The following ATP13A3 variants were observed in gnomAD, a reference collection of about 807,000 sequenced individuals.
ATP13A3 encodes the protein polyamine-transporting ATPase 13A3.
ATP13A3 carries 59 observed loss-of-function variants against 158.1 expected under a neutral mutation model. The observed-to-expected ratio is 0.37, with a 90% CI of 0.30 to 0.46. The LOEUF (loss-of-function observed/expected upper bound fraction) is 0.46. Ranked by LOEUF, ATP13A3 falls within the 20% of genes least tolerant of loss-of-function variation. The pLI is 1.00. For synonymous variants in ATP13A3, 491 were observed against 504.3 expected (o/e 0.97, Z 0.35); for missense variants, 1,166 against 1,525.2 (o/e 0.76, Z 3.92).
intron 31 of ATP13A3, among the ~76,000 whole-genome samples, chr3:194,417,226 G>A (rs181046808): frequency 4.6e-5 from 7 of 152,030 alleles, no homozygotes; most frequent in African/African-American, 1.7e-4. Flanking sequence ...TTCAAGACAA[G>A]CCTGGCCAAC....
chr3:194,419,798 C>A, intron 31 of ATP13A3, 81 bp downstream of exon 31: 1 of 1,505,384 alleles, frequency 6.6e-7, no homozygotes, highest in Non-Finnish European at 8.8e-7. Flanking sequence ...TTAGAATACA[C>A]AAAAAGAAGA....
chr3:194,426,930 T>C (rs1716821857), intron 29 of ATP13A3, 145 bp downstream of exon 29: 1 of 761,834 alleles, frequency 1.3e-6, no homozygotes, highest in Non-Finnish European at 2.0e-6. Context: ...GTGATCTACC[T>C]GCCTCGGCCT....
At chr3:194,427,343 A>G (rs1716861229) in intron 28 of ATP13A3, 91 bp from the exon 29 acceptor site, 3 of 1,244,612 alleles carry the variant, frequency 2.4e-6, no homozygotes, top group Non-Finnish European at 3.2e-6. Context: ...AACTTTAAAA[A>G]TTTGTTTTTG....
rs766195558 is a variant in ATP13A3 at position 194,475,590 on chromosome 3, T to C, written c.-47+10204A>G. 3.3e-5 allele frequency among the ~76,000 whole-genome samples: 5 copies of C among 152,274 alleles called. No individual in the cohort carries two copies. In the East Asian group the frequency reaches 7.7e-4, roughly 23 times the overall value. On this transcript the variant is annotated intron_variant, in intron 2 of 33. Coordinates refer to ENST00000645319, the MANE Select transcript of ATP13A3 (RefSeq NM_001367549.1). Reference sequence around the variant, plus strand: ...TTACATTCAACAAATACTTCAAAAATACAGTAATATAAGTTGCTATTGAAG... The same window carrying C: ...TTACATTCAACAAATACTTCAAAAACACAGTAATATAAGTTGCTATTGAAG...
upstream of ATP13A3, among the ~76,000 whole-genome samples, chr3:194,489,740 A>G (rs76181228): frequency 0.016 from 2,432 of 152,310 alleles, 33 homozygotes; most frequent in East Asian, 0.047. The surrounding 1 kb of genome is among the most constrained non-coding windows in gnomAD (Gnocchi z 4.1). Flanking sequence ...GGATATTCCA[A>G]AAACTTTTCT....
Position 194,402,854 on chromosome 3 carries a change from T to C in ATP13A3, c.*3065A>G, listed in dbSNP as rs1360451835. ...TGCAGTATCATTTCTGATATAAAGTTACTTAAAAAAATCCAAGGTCTTAGG... is the reference window on the plus strand; with the variant it reads ...TGCAGTATCATTTCTGATATAAAGTCACTTAAAAAAATCCAAGGTCTTAGG... On this transcript the variant is annotated 3_prime_UTR_variant, in exon 34 of 34. Coordinates refer to ENST00000645319, the MANE Select transcript of ATP13A3 (RefSeq NM_001367549.1). 6.6e-6 allele frequency: 1 copy of C among 152,198 alleles called. No homozygotes were observed. The highest frequency in any genetic ancestry group is 2.4e-5 in the African/African-American group (1 of 41,454). 9.4% of individuals were successfully genotyped at this position (152,198 alleles called of 1,614,324 possible). A position where few individuals can be genotyped will look rare whatever the true frequency, so the allele number is the denominator to read the frequency against.
chr3:194,477,280 A>C (rs1361605822), intron 2 of ATP13A3, among the ~76,000 whole-genome samples: 1 of 152,092 alleles, frequency 6.6e-6, no homozygotes, highest in Non-Finnish European at 1.5e-5. Context: ...GCACTTTTCC[A>C]ACAACGTTGA....
At chr3:194,465,805 AACACACACACAC>A in intron 2 of ATP13A3, among the ~76,000 whole-genome samples, 1 of 148,738 alleles carries the variant, frequency 6.7e-6, no homozygotes, top group Admixed American at 6.7e-5. Context: ...CTCTACTAAA[AACACACACACAC>A]ACACACACAC....
chr3:194,473,106 T>C (rs757083525), intron 2 of ATP13A3, among the ~76,000 whole-genome samples: 12 of 152,166 alleles, frequency 7.9e-5, no homozygotes, highest in African/African-American at 2.4e-4. Flanking sequence ...ATATGATCCA[T>C]GTAACAAACC....
rs764321474 is a variant in ATP13A3, at chr3:194,447,981, A to T, written c.1179T>A (p.Val393=). 6.2e-7 allele frequency: 1 copy of T among 1,609,726 alleles called. No individual in the cohort carries two copies. Among genetic ancestry groups the T allele is most frequent in the Non-Finnish European group, 8.5e-7 (1 of 1,176,078 alleles). The change falls in exon 13 of 34, where the codon GTT becomes GTA. Residue 393 remains valine, a synonymous_variant. Transcript: ENST00000645319. ...TTGGTTTGGGATACAATATGGAACG[A>T]ACAAGCTGTCCTTTGGAAGTACTAA... ...TGFSTSKGQL[V]RSILYPKPTD...
At chr3:194,412,549 C>A in intron 32 of ATP13A3, 1 of 411,776 alleles carries the variant, frequency 2.4e-6, no homozygotes, top group South Asian at 2.7e-5. Context: ...TAGGTCTTTC[C>A]CATATTAAAA....
intron 2 of ATP13A3, among the ~76,000 whole-genome samples, chr3:194,471,015 C>T (rs73073137): frequency 0.11 from 17,278 of 152,162 alleles, 2,577 homozygotes; most frequent in African/African-American, 0.34. Flanking sequence ...GGAAGAGACA[C>T]TAGTGCCTTT....
At chr3:194,434,331 G>A (rs969828795) in intron 20 of ATP13A3, among the ~76,000 whole-genome samples, 1 of 152,192 alleles carries the variant, frequency 6.6e-6, no homozygotes, top group Non-Finnish European at 1.5e-5. Flanking sequence ...CTGAAAATGT[G>A]ACACAAGAAC....
At chr3:194,447,760 C>A in intron 13 of ATP13A3, 92 bp downstream of exon 13, 1 of 1,164,660 alleles carries the variant, frequency 8.6e-7, no homozygotes, top group East Asian at 2.4e-5. Flanking sequence ...AATTTTAGTT[C>A]CTCATTCTCA....
Position 194,448,787 on chromosome 3 carries a change from G to A in ATP13A3, c.971-151C>T. On this transcript the variant is annotated intron_variant, in intron 11 of 33. Transcript: ENST00000645319. This position sits in a 1 kb window ranked among gnomAD's most constrained non-coding sequence, Gnocchi z 4.0. ...ATAATCACTGAGAGTTGTATATGTG[G>A]ACAACATGGCTTAATTTTTTGTCTA... is the stretch of plus-strand genomic sequence containing the variant. 1 of 807,848 alleles carries A rather than the reference G, an allele frequency of 1.2e-6. No individual in the cohort carries two copies. Among genetic ancestry groups the A allele is most frequent in the East Asian group, 2.9e-5 (1 of 34,340 alleles). 50.0% of individuals were successfully genotyped at this position (807,848 alleles called of 1,614,324 possible).
intron 2 of ATP13A3, among the ~76,000 whole-genome samples, chr3:194,466,336 G>A (rs1214197970): frequency 6.6e-6 from 1 of 152,126 alleles, no homozygotes; most frequent in Non-Finnish European, 1.5e-5. Context: ...ATTGTTAACT[G>A]CTACCTCGAC....
At chr3:194,482,013 T>C (rs551242487) in intron 2 of ATP13A3, among the ~76,000 whole-genome samples, 5 of 152,382 alleles carry the variant, frequency 3.3e-5, no homozygotes, top group Non-Finnish European at 7.3e-5. Context: ...TTAACAGATA[T>C]GGTATTGGCA....
rs1717686498 is a variant in ATP13A3, at chr3:194,436,949, T to C, written c.2120+146A>G. The stretch of plus-strand genomic sequence containing the variant: ...AAATCAGGCAGTGGGGAAAATGTAC[T>C]TTTACTTCAATCACCTAAAACAATA... On this transcript the variant is annotated intron_variant, in intron 20 of 33. Transcript: ENST00000645319. 2.6e-6 allele frequency: 3 copies of C among 1,133,468 alleles called. No homozygotes were observed. In the South Asian group the frequency reaches 4.9e-5, roughly 18 times the overall value. The allele number at this position is 1,133,468 out of a possible 1,614,324, so 70.2% of individuals were successfully genotyped here.
chr3:194,410,331 A>AAAAAAAC lies in ATP13A3; in HGVS notation c.3573+1867_3573+1868insGTTTTTT, dbSNP rs869283016. ...AAAAAAAAAAAAAAAAAAAAAAAAA[A>AAAAAAAC]CTGCTGGGCCTGGGATGGCATGCAC... On this transcript the variant is annotated intron_variant, in intron 33 of 33. Coordinates refer to ENST00000645319, the MANE Select transcript of ATP13A3 (RefSeq NM_001367549.1). Among the ~76,000 whole-genome samples, 1,187 of 132,714 alleles carry AAAAAAAC rather than the reference A, an allele frequency of 8.9e-3. 46 individuals carry two copies. The highest frequency in any genetic ancestry group is 0.015 in the Non-Finnish European group (965 of 62,386). The allele number at this position is 132,714 out of a possible 152,430, so 87.1% of individuals were successfully genotyped here.
Sources: allele counts gnomAD v4.1 joint callset (sites outside exome capture counted in the v4.1 genomes callset), GRCh38; gene constraint gnomAD v4.1.1; non-coding constraint Gnocchi (gnomAD v3.1); transcripts MANE v1.5; gene names NCBI Gene and HGNC (gene_info 2026-07-23, HGNC 2026-07-21).